TMEM117: variants seen among roughly 807,000 people sequenced by gnomAD.
TMEM117 encodes the protein transmembrane protein 117.
In TMEM117, 27 loss-of-function variants were observed where a neutral mutation model predicts 52.4. The ratio of observed to expected loss-of-function variants is 0.51; its 90% CI spans 0.38 to 0.71. The LOEUF is 0.71. Ranked by LOEUF, TMEM117 falls within the 30% of genes least tolerant of loss-of-function variation. The pLI is 0.00. For synonymous variants in TMEM117, 215 were observed against 206.3 expected (o/e 1.04, Z -0.36); for missense variants, 556 against 630.5 (o/e 0.88, Z 1.26).
intron 4 of TMEM117, among the ~76,000 whole-genome samples, chr12:44,168,041 G>T (rs886124370): frequency 1.2e-4 from 18 of 150,498 alleles, no homozygotes; most frequent in Non-Finnish European, 2.6e-4. Flanking sequence ...GGATCACAAG[G>T]TCAGGAGTTT....
At chr12:43,870,998 T>C (rs1943694481) in intron 2 of TMEM117, among the ~76,000 whole-genome samples, 2 of 152,170 alleles carry the variant, frequency 1.3e-5, no homozygotes, top group African/African-American at 2.4e-5. Flanking sequence ...TTGGCCAGGC[T>C]GGTCTCGAAC....
chr12:44,099,115 AT>A (rs112924580), intron 3 of TMEM117, among the ~76,000 whole-genome samples: 6 of 149,708 alleles, frequency 4.0e-5, no homozygotes, highest in Non-Finnish European at 7.5e-5. Context: ...GGCTATCTTT[AT>A]TTTTTTTTTA....
intron 2 of TMEM117, among the ~76,000 whole-genome samples, chr12:43,877,874 T>G (rs946535537): frequency 6.1e-5 from 9 of 148,466 alleles, no homozygotes; most frequent in African/African-American, 2.0e-4. Context: ...GTATGGTTCT[T>G]TTTTTGTAAA....
At chr12:43,808,812 GAAAAAAAAA>G in the TMEM117 span, among the ~76,000 whole-genome samples, 37 of 80,782 alleles carry the variant, frequency 4.6e-4, no homozygotes, top group African/African-American at 1.6e-3. Context: ...TCAAAGGGGA[GAAAAAAAAA>G]AAAAAAAAAA....
intron 5 of TMEM117, among the ~76,000 whole-genome samples, chr12:44,278,581 G>T (rs774001736): frequency 6.6e-6 from 1 of 151,960 alleles, no homozygotes; most frequent in African/African-American, 2.4e-5. Context: ...TCTTCCCTCC[G>T]TGACAGAATC....
At chr12:44,205,717 C>A (rs1310450224) in intron 4 of TMEM117, among the ~76,000 whole-genome samples, 1 of 151,968 alleles carries the variant, frequency 6.6e-6, no homozygotes, top group Admixed American at 6.6e-5. Context: ...AATAAGATAC[C>A]ATCTCACACT....
intron 3 of TMEM117, among the ~76,000 whole-genome samples, chr12:44,141,583 C>G (rs561085538): frequency 6.6e-6 from 1 of 152,260 alleles, no homozygotes; most frequent in South Asian, 2.1e-4. Context: ...AATTTCCACT[C>G]TACCCCAAGA....
Position 44,143,515 on chromosome 12 carries a change from G to A in TMEM117, c.411-10G>A. 1 of 1,602,108 alleles carries A rather than the reference G, an allele frequency of 6.2e-7. No homozygotes were observed. The highest frequency in any genetic ancestry group is 8.5e-7 in the Non-Finnish European group (1 of 1,173,394). On this transcript the variant is annotated splice_polypyrimidine_tract_variant and intron_variant, in intron 3 of 7. Transcript: ENST00000266534. ...AGTCCGGACAATGTCTTGTGTGTTT[G>A]TTTCCACAGAGCATATATCATTACA...
rs1334987432 is a variant in TMEM117, at chr12:44,192,004, A to ACCAGAGT, written c.511-19284_511-19278dup. On this transcript the variant is annotated intron_variant, in intron 4 of 7. Transcript: ENST00000266534. ...TACAAATTTTATTGATGTATGTAAG[A>ACCAGAGT]CCAGAGTCAGCTTTAAGCATTAAAT... Among the ~76,000 whole-genome samples, 9 of 152,306 alleles carry ACCAGAGT rather than the reference A, an allele frequency of 5.9e-5. No individual in the cohort carries two copies. In the South Asian group the frequency reaches 1.2e-3, roughly 21 times the overall value.
At chr12:44,311,031 C>G (rs1372970270) in intron 6 of TMEM117, among the ~76,000 whole-genome samples, 1 of 152,130 alleles carries the variant, frequency 6.6e-6, no homozygotes, top group Non-Finnish European at 1.5e-5. Context: ...ATGATAGTCT[C>G]AGTTTATTGC....
chr12:43,917,943 C>T (rs1944632275), intron 2 of TMEM117, among the ~76,000 whole-genome samples: 1 of 152,134 alleles, frequency 6.6e-6, no homozygotes. Flanking sequence ...ATTCCAGTCA[C>T]TTGGTCTATG....
chr12:43,975,144 A>G (rs1013746115), intron 3 of TMEM117, among the ~76,000 whole-genome samples: 3 of 152,186 alleles, frequency 2.0e-5, no homozygotes, highest in African/African-American at 7.2e-5. Context: ...AGTTGTCACT[A>G]TAAAATCTCT....
At chr12:44,132,698 C>T (rs1948433864) in intron 3 of TMEM117, among the ~76,000 whole-genome samples, 1 of 152,128 alleles carries the variant, frequency 6.6e-6, no homozygotes, top group Non-Finnish European at 1.5e-5. Flanking sequence ...TCTTCTCCTA[C>T]TCTGCAGTTT....
At position 44,234,339 on chromosome 12, in the gene TMEM117, C is replaced by G. The variant is rs574875642; in HGVS notation, c.608+22952C>G. On this transcript the variant is annotated intron_variant, in intron 5 of 7. Transcript: ENST00000266534. ...TTCAGTTTGTTTTGATGAATTATAC[C>G]TTTTTCAGCATTTGTCCAGTTTTTT... 7.3e-5 allele frequency among the ~76,000 whole-genome samples: 11 copies of G among 151,086 alleles called. No individual in the cohort carries two copies. In the South Asian group the frequency reaches 2.3e-3, roughly 31 times the overall value.
chr12:43,958,663 G>A (rs914214685), intron 3 of TMEM117, among the ~76,000 whole-genome samples: 8 of 152,172 alleles, frequency 5.3e-5, no homozygotes, highest in Non-Finnish European at 1.0e-4. Flanking sequence ...GAAGTCACGT[G>A]GAGAACTCAT....
At chr12:43,862,908 A>C (rs755601959) in intron 2 of TMEM117, among the ~76,000 whole-genome samples, 1 of 152,206 alleles carries the variant, frequency 6.6e-6, no homozygotes, top group Non-Finnish European at 1.5e-5. Context: ...CAGAGGTTGC[A>C]GTGAGCTGAG....
chr12:44,267,068 G>A (rs544824011), intron 5 of TMEM117, among the ~76,000 whole-genome samples: 1 of 152,062 alleles, frequency 6.6e-6, no homozygotes, highest in South Asian at 2.1e-4. Context: ...CTGGGATTTT[G>A]GTAGGGATTA....
At chr12:44,065,009 T>C (rs1341528852) in intron 3 of TMEM117, among the ~76,000 whole-genome samples, 1 of 152,220 alleles carries the variant, frequency 6.6e-6, no homozygotes, top group Non-Finnish European at 1.5e-5. Context: ...CTTGCATACA[T>C]AAAATAAAAA....
At chr12:43,873,540 T>A (rs1347968040) in intron 2 of TMEM117, among the ~76,000 whole-genome samples, 1 of 152,124 alleles carries the variant, frequency 6.6e-6, no homozygotes, top group African/African-American at 2.4e-5. Context: ...TTGCTTGTCC[T>A]GGATATTAAT....
Sources: gnomAD v4.1 joint callset for allele counts (sites outside exome capture counted in the v4.1 genomes callset) on GRCh38, gnomAD v4.1.1 for gene constraint, MANE v1.5 for transcripts, NCBI Gene and HGNC (gene_info 2026-07-23, HGNC 2026-07-21) for gene names.